Variants in TPD52 observed in about 807,000 individuals in gnomAD.
The protein encoded by TPD52 is prostate and colon associated protein.
TPD52 carries 17 observed loss-of-function variants against 31.3 expected under a neutral mutation model. The observed-to-expected ratio is 0.54, with a 90% CI of 0.37 to 0.82. The LOEUF is 0.82. Ranked by LOEUF, TPD52 falls within the 40% of genes least tolerant of loss-of-function variation. The probability of loss-of-function intolerance (pLI) is 0.00; values close to 1 mark genes in which losing one functional copy is unlikely to be tolerated. For missense variants in TPD52, 212 were observed against 240.1 expected, an observed-to-expected ratio of 0.88 and a Z score of 0.77; for synonymous variants, 83 against 89.6, an observed-to-expected ratio of 0.93 and a Z score of 0.42.
chr8:80,051,802 T>C lies in TPD52; in HGVS notation c.285-174A>G, dbSNP rs113489472. On this transcript the variant is annotated intron_variant, in intron 3 of 7. Coordinates refer to ENST00000518937, the MANE Select transcript of TPD52 (RefSeq NM_001025253.3). The stretch of plus-strand genomic sequence containing the variant: ...GCAGAGCGGCATCACCACATCTTCG[T>C]ATGCTCAACCCTAAGCTCAGGCACA... The C allele has an allele frequency of 1.5e-4, 83 of 568,502 alleles. No homozygotes were observed. In the Middle Eastern group the frequency reaches 4.1e-3, roughly 28 times the overall value. The allele number at this position is 568,502 out of a possible 1,614,324, so 35.2% of individuals were successfully genotyped here.
intron 1 of TPD52, among the ~76,000 whole-genome samples, chr8:80,161,887 G>C (rs569302846): frequency 1.3e-5 from 2 of 151,624 alleles, no homozygotes; most frequent in Non-Finnish European, 2.9e-5. Flanking sequence ...GCACCACCAC[G>C]CCGGGCTAAT....
At chr8:80,154,871 A>C (rs917206846) in intron 1 of TPD52, among the ~76,000 whole-genome samples, 24 of 152,184 alleles carry the variant, frequency 1.6e-4, no homozygotes, top group Admixed American at 2.6e-4. Flanking sequence ...TATATAATAC[A>C]TAAATCATAC....
At chr8:80,137,935 CTCTTT>C (rs896355923) in intron 1 of TPD52, among the ~76,000 whole-genome samples, 1 of 151,858 alleles carries the variant, frequency 6.6e-6, no homozygotes, top group African/African-American at 2.4e-5. Context: ...GAGACCCCGT[CTCTTT>C]TCTTTTTTTT....
intron 1 of TPD52, chr8:80,067,264 G>C (rs1813260996): frequency 6.6e-6 from 1 of 152,138 alleles, no homozygotes; most frequent in Non-Finnish European, 1.5e-5. Context: ...TTTATATTCA[G>C]CATCTAAGAA....
intron 1 of TPD52, among the ~76,000 whole-genome samples, chr8:80,093,087 G>T (rs932943165): frequency 6.6e-6 from 1 of 151,996 alleles, no homozygotes; most frequent in African/African-American, 2.4e-5. Flanking sequence ...CACAAAGCAG[G>T]CAAGTTCAGA....
At chr8:80,149,090 T>A (rs1010999198) in intron 1 of TPD52, among the ~76,000 whole-genome samples, 3 of 152,184 alleles carry the variant, frequency 2.0e-5, no homozygotes, top group African/African-American at 7.2e-5. Flanking sequence ...AAAAAAAGAT[T>A]TGCCACTACA....
At chr8:80,096,277 A>AAC (rs752164327) in intron 1 of TPD52, among the ~76,000 whole-genome samples, 17 of 125,614 alleles carry the variant, frequency 1.4e-4, no homozygotes, top group Non-Finnish European at 2.2e-4. Flanking sequence ...AAGACTATCA[A>AAC]ACACACACAC....
intron 1 of TPD52, among the ~76,000 whole-genome samples, chr8:80,133,971 G>A (rs1267876428): frequency 6.6e-6 from 1 of 152,122 alleles, no homozygotes. Context: ...ATTCAGATCA[G>A]AAATGTCATC....
At chr8:80,102,059 T>A (rs1806783585) in intron 1 of TPD52, among the ~76,000 whole-genome samples, 1 of 152,204 alleles carries the variant, frequency 6.6e-6, no homozygotes, top group Non-Finnish European at 1.5e-5. Flanking sequence ...CGACTCACAA[T>A]AGGAATTGCA....
intron 1 of TPD52, among the ~76,000 whole-genome samples, chr8:80,079,441 C>G (rs1268484683): frequency 3.9e-5 from 6 of 152,214 alleles, no homozygotes; most frequent in Non-Finnish European, 8.8e-5. Flanking sequence ...CTACTGTCGG[C>G]AAATACACAA....
intron 1 of TPD52, among the ~76,000 whole-genome samples, chr8:80,156,924 G>A (rs1378454810): frequency 6.6e-6 from 1 of 151,934 alleles, no homozygotes; most frequent in African/African-American, 2.4e-5. Flanking sequence ...TGGGAGGGCT[G>A]GTACAATGGA....
chr8:80,048,388 A>G (rs1811074479), intron 5 of TPD52, among the ~76,000 whole-genome samples: 1 of 152,228 alleles, frequency 6.6e-6, no homozygotes, highest in African/African-American at 2.4e-5. Flanking sequence ...CCATAATTAC[A>G]TTAAGGAGTA....
At position 80,050,426 on chromosome 8, in the gene TPD52, T is replaced by C. The variant is rs775510617; in HGVS notation, c.413+19A>G. 5.0e-6 allele frequency: 8 copies of C among 1,603,972 alleles called. No individual in the cohort carries two copies. The South Asian group carries it at 7.9e-5, about 16-fold the overall frequency. Reference sequence around the variant, plus strand: ...TTATACAACTGCTGGACTGCAGTGATGGTTCAAACTCTCCTTACCTAAAGG... The same window carrying C: ...TTATACAACTGCTGGACTGCAGTGACGGTTCAAACTCTCCTTACCTAAAGG... On this transcript the variant is annotated intron_variant, in intron 5 of 7. Coordinates refer to ENST00000518937, the MANE Select transcript of TPD52 (RefSeq NM_001025253.3).
intron 2 of TPD52, among the ~76,000 whole-genome samples, chr8:80,061,906 A>G (rs1310978545): frequency 1.3e-5 from 2 of 152,234 alleles, no homozygotes; most frequent in African/African-American, 4.8e-5. Context: ...TGTTTTGTAC[A>G]TTGCTAAAGT....
intron 1 of TPD52, among the ~76,000 whole-genome samples, chr8:80,085,862 G>C (rs188138086): frequency 6.6e-5 from 10 of 152,160 alleles, no homozygotes; most frequent in Admixed American, 4.6e-4. Context: ...ACATTGAGTG[G>C]AGATCACTTC....
intron 1 of TPD52, among the ~76,000 whole-genome samples, chr8:80,084,089 G>C (rs1477673406): frequency 6.6e-6 from 1 of 152,178 alleles, no homozygotes; most frequent in Admixed American, 6.5e-5. Context: ...GACCCAGGTG[G>C]AGGGTGAGAC....
intron 2 of TPD52, among the ~76,000 whole-genome samples, chr8:80,058,977 A>G (rs1451865290): frequency 2.0e-5 from 3 of 152,212 alleles, no homozygotes; most frequent in Non-Finnish European, 4.4e-5. Context: ...CCTAACACAT[A>G]TATGTACAGA....
chr8:80,066,393 A>C (rs1156907796), intron 1 of TPD52, among the ~76,000 whole-genome samples: 1 of 152,198 alleles, frequency 6.6e-6, no homozygotes, highest in Non-Finnish European at 1.5e-5. Context: ...AAAATTCAAA[A>C]ACCACAAATC....
At chr8:80,078,351 T>C (rs73261837) in intron 1 of TPD52, among the ~76,000 whole-genome samples, 4,382 of 152,350 alleles carry the variant, frequency 0.029, 213 homozygotes, top group African/African-American at 0.1. Flanking sequence ...ATTACTTGTC[T>C]GGTGATTAAG....
Sources: gnomAD v4.1 joint callset for allele counts (sites outside exome capture counted in the v4.1 genomes callset) on GRCh38, gnomAD v4.1.1 for gene constraint, MANE v1.5 for transcripts, NCBI Gene and HGNC (gene_info 2026-07-23, HGNC 2026-07-21) for gene names.